CADM2: variants seen among roughly 807,000 people sequenced by gnomAD.
The protein encoded by CADM2 is immunoglobulin superfamily member 4D.
Under a neutral mutation model 49.8 loss-of-function variants are expected in CADM2, and 12 were observed. The observed-to-expected ratio is 0.24, with a 90% CI of 0.15 to 0.39. CADM2 has a LOEUF of 0.39. CADM2 is among the 10% of genes least tolerant of loss of function. CADM2 has a pLI of 1.00. For synonymous variants in CADM2, 214 were observed against 175.4 expected, an observed-to-expected ratio of 1.22 and a Z score of -1.74; for missense variants, 378 against 492.3, an observed-to-expected ratio of 0.77 and a Z score of 2.20.
chr3:85,132,626 T>TTATA (rs553131352), intron 1 of CADM2, among the ~76,000 whole-genome samples: 22 of 146,888 alleles, frequency 1.5e-4, no homozygotes, highest in African/African-American at 4.7e-4. Context: ...CAAGGATATA[T>TTATA]TATATATATA....
chr3:85,625,973 G>A (rs1241414196), intron 1 of CADM2, among the ~76,000 whole-genome samples: 1 of 151,914 alleles, frequency 6.6e-6, no homozygotes, highest in Non-Finnish European at 1.5e-5. Context: ...AAGCAATATT[G>A]TTTGAAATTA....
intron 1 of CADM2, among the ~76,000 whole-genome samples, chr3:85,264,364 A>T (rs1274595638): frequency 6.6e-6 from 1 of 152,118 alleles, no homozygotes; most frequent in Non-Finnish European, 1.5e-5. Context: ...TCCATAGGTT[A>T]TTGCTTTACA....
chr3:85,013,159 T>A (rs1304707818), intron 1 of CADM2, among the ~76,000 whole-genome samples: 9 of 137,884 alleles, frequency 6.5e-5, no homozygotes, highest in South Asian at 2.3e-4. Flanking sequence ...AAAAAAAAAA[T>A]ACCAAATTAT....
intron 1 of CADM2, among the ~76,000 whole-genome samples, chr3:85,219,878 C>T (rs1046094525): frequency 6.6e-6 from 1 of 152,040 alleles, no homozygotes; most frequent in Non-Finnish European, 1.5e-5. Context: ...TTTCATAATA[C>T]AACTGCATAC....
intron 1 of CADM2, among the ~76,000 whole-genome samples, chr3:85,536,392 TAA>T (rs55801641): frequency 3.8e-4 from 58 of 151,048 alleles, no homozygotes; most frequent in Admixed American, 2.1e-3. Context: ...TTCCTTTTTC[TAA>T]AAAAAAAATG....
At chr3:85,175,782 A>T (rs2040766458) in intron 1 of CADM2, among the ~76,000 whole-genome samples, 1 of 152,150 alleles carries the variant, frequency 6.6e-6, no homozygotes, top group East Asian at 1.9e-4. Flanking sequence ...TAAAAAATAG[A>T]TCATTGTTTA....
intron 1 of CADM2, among the ~76,000 whole-genome samples, chr3:85,443,456 C>T (rs2037303328): frequency 6.6e-6 from 1 of 152,138 alleles, no homozygotes; most frequent in Non-Finnish European, 1.5e-5. Context: ...AGCCAAACTA[C>T]TCAAAACAGG....
At chr3:85,409,398 T>A (rs2035555735) in intron 1 of CADM2, among the ~76,000 whole-genome samples, 3 of 152,162 alleles carry the variant, frequency 2.0e-5, no homozygotes, top group Non-Finnish European at 4.4e-5. Context: ...TATTAAGTAC[T>A]GAAATCAAAT....
At chr3:85,124,988 T>G (rs2038980137) in intron 1 of CADM2, among the ~76,000 whole-genome samples, 1 of 152,202 alleles carries the variant, frequency 6.6e-6, no homozygotes, top group Non-Finnish European at 1.5e-5. Context: ...AATTTGCAAT[T>G]ACATGTTTTC....
intron 1 of CADM2, among the ~76,000 whole-genome samples, chr3:85,311,991 C>T (rs1345503582): frequency 6.6e-6 from 1 of 152,120 alleles, no homozygotes; most frequent in Non-Finnish European, 1.5e-5. Flanking sequence ...CAAAATATTT[C>T]TATTTGCCAG....
intron 1 of CADM2, among the ~76,000 whole-genome samples, chr3:85,050,952 C>G (rs368430832): frequency 5.8e-4 from 89 of 152,284 alleles, no homozygotes; most frequent in African/African-American, 2.1e-3. Flanking sequence ...TCAGTTTAGA[C>G]TTGGCATGAA....
In CADM2 at chr3:85,769,445, CGT is replaced by C. The variant is rs2069904854; in HGVS notation, c.89-32601_89-32600del. 2.1e-5 allele frequency among the ~76,000 whole-genome samples: 2 copies of C among 94,884 alleles called. 1 individual carries two copies. The highest frequency in any genetic ancestry group is 8.8e-5 in the African/African-American group (2 of 22,810). The allele number at this position is 94,884 out of a possible 152,430, so 62.2% of individuals were successfully genotyped here. On this transcript the variant is annotated intron_variant, in intron 2 of 9. Coordinates refer to ENST00000383699, the MANE Select transcript of CADM2 (RefSeq NM_001167675.2). ...TATATACATATATAGTATATATACACGTATATACATATATACATATATAGTAT... is the reference window on the plus strand; with the variant it reads ...TATATACATATATAGTATATATACACATATACATATATACATATATAGTAT...
intron 2 of CADM2, among the ~76,000 whole-genome samples, chr3:85,747,650 G>A (rs1402371232): frequency 6.6e-6 from 1 of 152,062 alleles, no homozygotes; most frequent in Non-Finnish European, 1.5e-5. Flanking sequence ...AAATGGGTAT[G>A]ACAGCAGAAA....
At position 85,802,182 on chromosome 3, in the gene CADM2, T is replaced by G. The variant is rs2108077214; in HGVS notation, c.224T>G (p.Phe75Cys). The G allele has an allele frequency of 6.2e-7, 1 of 1,610,838 alleles. No individual in the cohort carries two copies. The highest frequency in any genetic ancestry group is 8.5e-7 in the Non-Finnish European group (1 of 1,178,410). Reference protein sequence around the residue: ...WSNPAQQTLYFDDKKALRDNR... With the variant: ...WSNPAQQTLYCDDKKALRDNR... ...AATCCAGCTCAACAGACTCTGTACT[T>G]TGACGACAAGAAAGGTGAATACATT... Residue 75 changes from phenylalanine to cysteine, a missense_variant, in exon 3 of 10, where the codon TTT becomes TGT. Phe to Cys is a radical substitution (Grantham distance 205, BLOSUM62 -2). Transcript: ENST00000383699.
At chr3:85,864,278 T>C (rs2075643740) in intron 3 of CADM2, among the ~76,000 whole-genome samples, 1 of 152,210 alleles carries the variant, frequency 6.6e-6, no homozygotes, top group African/African-American at 2.4e-5. Flanking sequence ...ATAAACACCT[T>C]GCATTACTGG....
intron 8 of CADM2, among the ~76,000 whole-genome samples, chr3:85,969,986 TACACTCATAC>T (rs760383928): frequency 5.8e-5 from 1 of 17,116 alleles, no homozygotes; most frequent in Admixed American, 7.6e-4. Context: ...TATATATATA[TACACTCATAC>T]ACTCACACAC....
At chr3:85,338,467 A>C (rs1313001889) in intron 1 of CADM2, among the ~76,000 whole-genome samples, 1 of 151,578 alleles carries the variant, frequency 6.6e-6, no homozygotes, top group Non-Finnish European at 1.5e-5. Flanking sequence ...AGAAGCCAGT[A>C]ATATAGTAAT....
chr3:85,569,714 AG>A (rs1305086888), intron 1 of CADM2, among the ~76,000 whole-genome samples: 7 of 78,154 alleles, frequency 9.0e-5, no homozygotes, highest in Admixed American at 1.6e-4. Context: ...AAAAAAAAAA[AG>A]AAAAAAAAAA....
intron 1 of CADM2, among the ~76,000 whole-genome samples, chr3:85,272,182 G>A (rs2043258385): frequency 6.6e-6 from 1 of 151,024 alleles, no homozygotes; most frequent in South Asian, 2.1e-4. Flanking sequence ...AAGCCAAAAT[G>A]GAATGTTATT....
Sources: allele counts gnomAD v4.1 joint callset (sites outside exome capture counted in the v4.1 genomes callset), GRCh38; gene constraint gnomAD v4.1.1; transcripts MANE v1.5; gene names NCBI Gene and HGNC (gene_info 2026-07-23, HGNC 2026-07-21).